The following PRC1 variants were observed in gnomAD, a reference collection of about 807,000 sequenced individuals.
PRC1 encodes the protein anaphase spindle elongation 1 homolog.
A neutral mutation model predicts 91.2 loss-of-function variants in PRC1; 54 were observed. The observed-to-expected ratio is 0.59, with a 90% CI of 0.48 to 0.74. PRC1 has a LOEUF of 0.74. Ranked by LOEUF, PRC1 falls within the 30% of genes least tolerant of loss-of-function variation. PRC1 has a pLI of 0.00. For missense variants in PRC1, 727 were observed against 746.2 expected, an observed-to-expected ratio of 0.97 and a Z score of 0.30; for synonymous variants, 275 against 263.6, an observed-to-expected ratio of 1.04 and a Z score of -0.42.
intron 6 of PRC1, 123 bp from the exon 7 acceptor site, chr15:90,980,512 CTTTTTTTTTT>C (rs35250469): frequency 5.9e-5 from 29 of 492,812 alleles, no homozygotes; most frequent in Middle Eastern, 4.8e-4. Flanking sequence ...TAAATCAACA[CTTTTTTTTTT>C]TTTTTTTTTT....
intron 6 of PRC1, among the ~76,000 whole-genome samples, 194 bp downstream of exon 6, chr15:90,980,690 T>C (rs1279993522): frequency 6.6e-6 from 1 of 151,952 alleles, no homozygotes; most frequent in Non-Finnish European, 1.5e-5. Context: ...CTGGCTAGTA[T>C]ATACAGGGTT....
chr15:90,968,354 C>T (rs1397960181), intron 14 of PRC1: 1 of 985,536 alleles, frequency 1.0e-6, no homozygotes, highest in Non-Finnish European at 1.2e-6. Flanking sequence ...GCCAACTGTT[C>T]CATTCTCTAT....
At chr15:90,968,727 C>T in intron 14 of PRC1, 4 of 1,129,608 alleles carry the variant, frequency 3.5e-6, no homozygotes, top group Non-Finnish European at 4.4e-6. Context: ...TCATTGTAGG[C>T]AGCACACAGC....
At chr15:90,986,486 T>A (rs1356290201) in intron 1 of PRC1, among the ~76,000 whole-genome samples, 1 of 151,918 alleles carries the variant, frequency 6.6e-6, no homozygotes, top group African/African-American at 2.4e-5. Flanking sequence ...TAGCTGGGTG[T>A]GGTGGTGCGC....
chr15:90,968,150 C>T (rs985551007), intron 14 of PRC1: 1 of 985,228 alleles, frequency 1.0e-6, no homozygotes, highest in Non-Finnish European at 1.2e-6. Flanking sequence ...CACAGATAGG[C>T]AGGTACATTT....
At chr15:90,973,811 C>T (rs2038403724) in intron 11 of PRC1, among the ~76,000 whole-genome samples, 1 of 152,046 alleles carries the variant, frequency 6.6e-6, no homozygotes, top group Non-Finnish European at 1.5e-5. Context: ...TTCCTTTGCT[C>T]ACGTTTTCCT....
chr15:90,974,386 A>G lies in PRC1; in HGVS notation c.1351-140T>C, dbSNP rs2038471287. On this transcript the variant is annotated intron_variant, in intron 10 of 14. Coordinates refer to ENST00000394249, the MANE Select transcript of PRC1 (RefSeq NM_003981.4). The surrounding 1 kb of genome is among the most constrained non-coding windows in gnomAD (Gnocchi z 4.6). ...GCTGCCGCGGGCTCCCCGTTCCACA[A>G]GCCCCGGTCCCCGGCTCCCCGTTCC... 9.2e-7 allele frequency: 1 copy of G among 1,082,078 alleles called. No homozygotes were observed. The highest frequency in any genetic ancestry group is 2.5e-5 in the East Asian group (1 of 39,506). The allele number at this position is 1,082,078 out of a possible 1,614,324, so 67.0% of individuals were successfully genotyped here. A position where few individuals can be genotyped will look rare whatever the true frequency, so the allele number is the denominator to read the frequency against.
chr15:90,969,210 A>G (rs2037827432), intron 13 of PRC1, 90 bp from the exon 14 acceptor site: 1 of 1,378,040 alleles, frequency 7.3e-7, no homozygotes, highest in Admixed American at 1.8e-5. Flanking sequence ...CAGCCAGGGA[A>G]TGGTATGTAT....
At chr15:90,979,416 G>C (rs2039004114) in intron 7 of PRC1, 122 bp from the exon 8 acceptor site, 1 of 1,165,832 alleles carries the variant, frequency 8.6e-7, no homozygotes, top group South Asian at 1.5e-5. Context: ...GATACAGGAA[G>C]AGGCGTGTGT....
chr15:90,980,512 CTTT>C (rs35250469), intron 6 of PRC1, 123 bp from the exon 7 acceptor site: 21,009 of 484,612 alleles, frequency 0.043, 10 homozygotes, highest in East Asian at 0.074. Flanking sequence ...TAAATCAACA[CTTT>C]TTTTTTTTTT....
At chr15:90,980,742 A>T in intron 6 of PRC1, 142 bp downstream of exon 6, 1 of 1,183,204 alleles carries the variant, frequency 8.5e-7, no homozygotes, top group South Asian at 1.5e-5. Flanking sequence ...CTGACCTCAA[A>T]TGATTCACCT....
At chr15:90,985,581 CAG>C (rs1306756814) in intron 1 of PRC1, among the ~76,000 whole-genome samples, 1 of 143,310 alleles carries the variant, frequency 7.0e-6, no homozygotes, top group East Asian at 2.1e-4. Context: ...TTTTTTGAGA[CAG>C]AGTCTCGCTC....
Position 90,994,520 on chromosome 15 carries a change from C to A in PRC1, c.-103G>T, listed in dbSNP as rs1829152434. On this transcript the variant is annotated 5_prime_UTR_variant, in exon 1 of 15. Transcript: ENST00000394249. ...CACCGGCGATGTCACTCCGCGTAGC[C>A]GCTCCGCGAGCCGTTGAGCCCCGCA... The A allele has an allele frequency of 1.4e-6, 2 of 1,417,316 alleles. No individual in the cohort carries two copies. The highest frequency in any genetic ancestry group is 1.5e-5 in the South Asian group (1 of 67,990). 87.8% of individuals were successfully genotyped at this position (1,417,316 alleles called of 1,614,324 possible). A position where few individuals can be genotyped will look rare whatever the true frequency, so the allele number is the denominator to read the frequency against.
chr15:90,966,597 G>T lies in PRC1; in HGVS notation c.*534C>A, dbSNP rs1258410481. ...CTTCCTGTCACCTCTTTGGCAGTAG[G>T]GCAGGCCATCTCAACTTCGGACACA... On this transcript the variant is annotated 3_prime_UTR_variant, in exon 15 of 15. Coordinates refer to ENST00000394249, the MANE Select transcript of PRC1 (RefSeq NM_003981.4). 2.2e-6 allele frequency: 1 copy of T among 456,100 alleles called. No homozygotes were observed. The highest frequency in any genetic ancestry group is 4.4e-6 in the Non-Finnish European group (1 of 226,822). The allele number at this position is 456,100 out of a possible 1,614,324, so 28.3% of individuals were successfully genotyped here.
chr15:90,966,425 G>C lies in PRC1; in HGVS notation c.*706C>G, dbSNP rs995418534. 2 of 351,000 alleles carry C rather than the reference G, an allele frequency of 5.7e-6. No individual in the cohort carries two copies. The highest frequency in any genetic ancestry group is 4.3e-5 in the African/African-American group (2 of 46,774). The allele number at this position is 351,000 out of a possible 1,614,324, so 21.7% of individuals were successfully genotyped here. ...GGGGTAGAAGAACTCAGGCAAAGTA[G>C]GCACAGGAATGGGGGAGATGAGAGC... On this transcript the variant is annotated 3_prime_UTR_variant, in exon 15 of 15. Coordinates refer to ENST00000394249, the MANE Select transcript of PRC1 (RefSeq NM_003981.4).
chr15:90,968,461 G>A (rs1473489685), intron 14 of PRC1: 1 of 985,636 alleles, frequency 1.0e-6, no homozygotes, highest in South Asian at 4.7e-5. Context: ...AAAATATTGA[G>A]AGAAGAAATC....
At chr15:90,977,744 C>T (rs1397219491) in intron 8 of PRC1, among the ~76,000 whole-genome samples, 1 of 151,884 alleles carries the variant, frequency 6.6e-6, no homozygotes, top group Non-Finnish European at 1.5e-5. Flanking sequence ...CCACCATGCC[C>T]GGCTAATTTT....
In PRC1 at chr15:90,974,766, A is replaced by C; in HGVS notation, c.1204-35T>G. ...GAAACAAGGACATGTTAATTACTTCAACTCTTTAGTGCAAAGCCCAAATGA... is the reference window on the plus strand; with the variant it reads ...GAAACAAGGACATGTTAATTACTTCCACTCTTTAGTGCAAAGCCCAAATGA... On this transcript the variant is annotated intron_variant, in intron 9 of 14. Transcript: ENST00000394249. This position sits in a 1 kb window ranked among gnomAD's most constrained non-coding sequence, Gnocchi z 4.6. 6.2e-7 allele frequency: 1 copy of C among 1,612,250 alleles called. No individual in the cohort carries two copies. Among genetic ancestry groups the C allele is most frequent in the South Asian group, 1.1e-5 (1 of 91,008 alleles).
intron 11 of PRC1, among the ~76,000 whole-genome samples, chr15:90,972,329 G>T (rs888522739): frequency 6.6e-6 from 1 of 152,026 alleles, no homozygotes; most frequent in Non-Finnish European, 1.5e-5. Flanking sequence ...GCTGCAGTGA[G>T]CCATGATGGC....
Sources: allele counts gnomAD v4.1 joint callset (sites outside exome capture counted in the v4.1 genomes callset), GRCh38; gene constraint gnomAD v4.1.1; non-coding constraint Gnocchi (gnomAD v3.1); transcripts MANE v1.5; gene names NCBI Gene and HGNC (gene_info 2026-07-23, HGNC 2026-07-21).